DNAJA4: variants seen among roughly 807,000 people sequenced by gnomAD.
The protein encoded by DNAJA4 is dnaJ homolog subfamily A member 4.
DNAJA4 carries 32 observed loss-of-function variants against 39.7 expected under a neutral mutation model. The ratio of observed to expected loss-of-function variants is 0.81; its 90% CI spans 0.61 to 1.08. The LOEUF is 1.08. DNAJA4 is among the 50% of genes least tolerant of loss of function. The probability of loss-of-function intolerance (pLI) is 0.00; values close to 1 mark genes in which losing one functional copy is unlikely to be tolerated. For synonymous variants in DNAJA4, 184 were observed against 182.4 expected, an observed-to-expected ratio of 1.01 and a Z score of -0.07; for missense variants, 439 against 505.1, an observed-to-expected ratio of 0.87 and a Z score of 1.25.
Position 78,270,645 on chromosome 15 carries a change from G to A in DNAJA4, c.281G>A (p.Gly94Asp). 1 of 1,614,144 alleles carries A rather than the reference G, an allele frequency of 6.2e-7. No individual in the cohort carries two copies. Among genetic ancestry groups the A allele is most frequent in the South Asian group, 1.1e-5 (1 of 91,064 alleles). The change falls in exon 2 of 7, where the codon GGT becomes GAT. Residue 94 changes from glycine to aspartate, a missense_variant. By Grantham distance (94) the Gly-to-Asp change is moderately conservative. Coordinates refer to ENST00000394852, the MANE Select transcript of DNAJA4 (RefSeq NM_001130182.2). ...SPMDIFDMFFGGGGRMARERR... is the reference protein window; with the variant it reads ...SPMDIFDMFFDGGGRMARERR... The stretch of plus-strand genomic sequence containing the variant: ...ATGGACATCTTTGACATGTTCTTTG[G>A]TGGTGGTGGACGGATGGCTAGAGAG...
intron 5 of DNAJA4, chr15:78,278,430 G>C (rs959487492): frequency 5.4e-5 from 21 of 389,874 alleles, no homozygotes; most frequent in Admixed American, 5.0e-4. Flanking sequence ...CACAGACCTA[G>C]ATAGCATAGC....
In DNAJA4 at chr15:78,281,941, A is replaced by G. The variant is rs1006168950; in HGVS notation, c.*1481A>G. On this transcript the variant is annotated 3_prime_UTR_variant, in exon 7 of 7. Transcript: ENST00000394852. ...GTGCCCACTTTGACCATTGGTGAGG[A>G]TAGATATAAAATCACTTCTTCCAAC... is the stretch of plus-strand genomic sequence containing the variant. The G allele has an allele frequency of 1.3e-5, 2 of 152,360 alleles. No individual in the cohort carries two copies. Among genetic ancestry groups the G allele is most frequent in the South Asian group, 2.1e-4 (1 of 4,826 alleles). 9.4% of individuals were successfully genotyped at this position (152,360 alleles called of 1,614,324 possible).
chr15:78,277,406 G>A (rs1399435505), intron 5 of DNAJA4, among the ~76,000 whole-genome samples: 1 of 152,148 alleles, frequency 6.6e-6, no homozygotes, highest in Non-Finnish European at 1.5e-5. Flanking sequence ...ATCCAGGATT[G>A]GGGGAAGCAC....
rs768372244 is a variant in DNAJA4 at position 78,274,180 on chromosome 15, C to T, written c.419-17C>T. The T allele has an allele frequency of 2.4e-5, 39 of 1,608,486 alleles. No homozygotes were observed. The East Asian group carries it at 8.3e-4, about 34-fold the overall frequency. ...GGAAGAGCATGGCCCTCATTCCTGCCTCCCCTGACCCTGCAGGTGTTGGTG... is the reference window on the plus strand; with the variant it reads ...GGAAGAGCATGGCCCTCATTCCTGCTTCCCCTGACCCTGCAGGTGTTGGTG... On this transcript the variant is annotated splice_polypyrimidine_tract_variant and intron_variant, in intron 3 of 6. Coordinates refer to ENST00000394852, the MANE Select transcript of DNAJA4 (RefSeq NM_001130182.2).
chr15:78,280,635 A>G lies in DNAJA4; in HGVS notation c.*175A>G. Reference sequence around the variant, plus strand: ...TTCTTTTGGTTGTAACTTAAGTTATAGCTTAATTTATATTTAAATGTTTTA... The same window carrying G: ...TTCTTTTGGTTGTAACTTAAGTTATGGCTTAATTTATATTTAAATGTTTTA... On this transcript the variant is annotated 3_prime_UTR_variant, in exon 7 of 7. Transcript: ENST00000394852. 1 of 574,418 alleles carries G rather than the reference A, an allele frequency of 1.7e-6. No individual in the cohort carries two copies. Among genetic ancestry groups the G allele is most frequent in the East Asian group, 2.9e-5 (1 of 35,070 alleles). 35.6% of individuals were successfully genotyped at this position (574,418 alleles called of 1,614,324 possible). A position where few individuals can be genotyped will look rare whatever the true frequency, so the allele number is the denominator to read the frequency against.
At chr15:78,270,412 A>T in intron 1 of DNAJA4, 85 bp from the exon 2 acceptor site, 1 of 1,426,830 alleles carries the variant, frequency 7.0e-7, no homozygotes, top group Non-Finnish European at 9.6e-7. Flanking sequence ...GAATACCTCT[A>T]TTACTTTGTA....
chr15:78,278,826 ATT>A (rs33990133), intron 5 of DNAJA4, among the ~76,000 whole-genome samples: 23 of 87,488 alleles, frequency 2.6e-4, no homozygotes, highest in African/African-American at 1.0e-3. Context: ...TAGTTTTTCT[ATT>A]TTTTTTTTTT....
chr15:78,279,643 T>C lies in DNAJA4; in HGVS notation c.878-402T>C. 5.0e-6 allele frequency: 1 copy of C among 198,856 alleles called. No homozygotes were observed. 12.3% of individuals were successfully genotyped at this position (198,856 alleles called of 1,614,324 possible). A position where few individuals can be genotyped will look rare whatever the true frequency, so the allele number is the denominator to read the frequency against. ...CTGGTTGGACTCTATTGAGGCTTCT[T>C]CCTGTCTGTGGGGAGCACTCCTGTC... On this transcript the variant is annotated intron_variant, in intron 5 of 6. Coordinates refer to ENST00000394852, the MANE Select transcript of DNAJA4 (RefSeq NM_001130182.2). The surrounding 1 kb of genome is among the most constrained non-coding windows in gnomAD (Gnocchi z 4.5).
chr15:78,264,361 G>A (rs2049054780), upstream of DNAJA4: 1 of 1,449,362 alleles, frequency 6.9e-7, no homozygotes, highest in Middle Eastern at 1.9e-4. Flanking sequence ...AATCAGACGG[G>A]CAGCCAAAGG....
chr15:78,268,422 CTT>C (rs1410180525), intron 1 of DNAJA4, among the ~76,000 whole-genome samples: 1 of 152,146 alleles, frequency 6.6e-6, no homozygotes. Flanking sequence ...CTTTTTAAGA[CTT>C]TTCTAAATTG....
chr15:78,265,221 G>A (rs1021278893), intron 1 of DNAJA4, among the ~76,000 whole-genome samples: 1 of 152,232 alleles, frequency 6.6e-6, no homozygotes, highest in African/African-American at 2.4e-5. Context: ...CATAGGGTGT[G>A]TTGGTTCCCT....
Position 78,280,075 on chromosome 15 carries a change from G to T in DNAJA4, c.908G>T (p.Cys303Phe). 1 of 1,614,224 alleles carries T rather than the reference G, an allele frequency of 6.2e-7. No homozygotes were observed. Among genetic ancestry groups the T allele is most frequent in the Non-Finnish European group, 8.5e-7 (1 of 1,180,042 alleles). ...GEVIKHGDLR[C>F]VRDEGMPIYK... ...GTGATAAAGCACGGGGACCTGAGATGCGTGCGCGATGAAGGAATGCCCATC... is the reference window on the plus strand; with the variant it reads ...GTGATAAAGCACGGGGACCTGAGATTCGTGCGCGATGAAGGAATGCCCATC... Residue 303 changes from cysteine (C) to phenylalanine (F), a missense_variant, in exon 6 of 7, where the codon TGC becomes TTC. Cys to Phe is a radical substitution (Grantham distance 205). Transcript: ENST00000394852.
chr15:78,275,280 C>A, intron 4 of DNAJA4: 1 of 558,744 alleles, frequency 1.8e-6, no homozygotes, highest in Non-Finnish European at 3.2e-6. Context: ...TCCCCCACTC[C>A]CTGTGCATGC....
At chr15:78,273,035 G>A in intron 2 of DNAJA4, 60 bp from the exon 3 acceptor site, 1 of 966,226 alleles carries the variant, frequency 1.0e-6, no homozygotes, top group South Asian at 1.4e-5. Flanking sequence ...CATATGGGTG[G>A]TATTTAATAC....
chr15:78,266,306 C>T (rs754466028), intron 1 of DNAJA4: 4 of 1,611,544 alleles, frequency 2.5e-6, no homozygotes, highest in Non-Finnish European at 3.4e-6. Context: ...AAGTTCATGC[C>T]TCTGTGTATA....
At chr15:78,264,228 G>A, upstream of DNAJA4, 2 of 1,027,286 alleles carry the variant, frequency 1.9e-6, no homozygotes, top group Non-Finnish European at 1.3e-6. Context: ...ACGGACCCAC[G>A]GAAGGGCAAG....
intron 1 of DNAJA4, among the ~76,000 whole-genome samples, 186 bp downstream of exon 1, chr15:78,265,081 C>A (rs964476241): frequency 1.3e-5 from 2 of 152,076 alleles, no homozygotes; most frequent in African/African-American, 4.8e-5. Context: ...CGGTGGAGGG[C>A]GCTTCGCCCG....
intron 4 of DNAJA4, 35 bp downstream of exon 4, chr15:78,274,459 T>C: frequency 6.3e-7 from 1 of 1,589,804 alleles, no homozygotes; most frequent in Non-Finnish European, 8.6e-7. Context: ...CCACACGGGC[T>C]GGAAATGCTG....
chr15:78,267,941 A>G (rs2049188008), intron 1 of DNAJA4, among the ~76,000 whole-genome samples: 1 of 152,178 alleles, frequency 6.6e-6, no homozygotes, highest in African/African-American at 2.4e-5. Flanking sequence ...AGCTCATCAT[A>G]GCACTCGTCT....
Sources: allele counts gnomAD v4.1 joint callset (sites outside exome capture counted in the v4.1 genomes callset), GRCh38; gene constraint gnomAD v4.1.1; non-coding constraint Gnocchi (gnomAD v3.1); transcripts MANE v1.5; gene names NCBI Gene and HGNC (gene_info 2026-07-23, HGNC 2026-07-21).